The following IQANK1 variants were observed in gnomAD, a reference collection of about 807,000 sequenced individuals.
The protein encoded by IQANK1 is IQ motif and ankyrin repeat domain-containing protein 1.
In IQANK1, 30 loss-of-function variants were observed where a neutral mutation model predicts 22.6. The observed-to-expected ratio is 1.33, with a 90% CI of 0.99 to 1.80. IQANK1 has a LOEUF of 1.80. IQANK1 is among the 40% of genes most tolerant of loss of function. IQANK1 has a pLI of 0.00. For synonymous variants in IQANK1, 122 were observed against 99.6 expected (o/e 1.23, Z -1.34); for missense variants, 275 against 235.2 (o/e 1.17, Z -1.11).
intron 2 of IQANK1, among the ~76,000 whole-genome samples, chr8:143,738,128 G>A (rs1818793146): frequency 6.6e-6 from 1 of 152,154 alleles, no homozygotes; most frequent in South Asian, 2.1e-4. Flanking sequence ...GCCCCCTGGG[G>A]TGGGGGGCGG....
intron 3 of IQANK1, among the ~76,000 whole-genome samples, chr8:143,751,792 C>T (rs1221806119): frequency 6.6e-6 from 1 of 150,960 alleles, no homozygotes; most frequent in Non-Finnish European, 1.5e-5. Flanking sequence ...TTTCAACCTG[C>T]AGGACCTCCT....
At chr8:143,744,843 C>CA (rs1257414019) in intron 3 of IQANK1, 1 of 152,236 alleles carries the variant, frequency 6.6e-6, no homozygotes, top group Admixed American at 6.5e-5. Flanking sequence ...ATGTGTATCC[C>CA]AATAAACAGG....
At chr8:143,766,711 T>A (rs532183502) in intron 3 of IQANK1, among the ~76,000 whole-genome samples, 1 of 152,096 alleles carries the variant, frequency 6.6e-6, no homozygotes, top group Non-Finnish European at 1.5e-5. Flanking sequence ...GATTTTAACA[T>A]GTTTTCTTTT....
chr8:143,739,509 G>A (rs1480714292), intron 2 of IQANK1: 3 of 245,524 alleles, frequency 1.2e-5, no homozygotes, highest in African/African-American at 4.5e-5. Flanking sequence ...ACAAGGTGGG[G>A]GACAGTGTCA....
At chr8:143,736,030 G>A (rs2129738470) in intron 2 of IQANK1, 92 bp downstream of exon 2, 1 of 670,826 alleles carries the variant, frequency 1.5e-6, no homozygotes, top group Admixed American at 2.2e-5. Context: ...CCCCTCTGAG[G>A]AGAGCCCTTC....
At chr8:143,742,141 C>A in intron 3 of IQANK1, 1 of 349,472 alleles carries the variant, frequency 2.9e-6, no homozygotes, top group African/African-American at 2.1e-5. Flanking sequence ...CCTCACAGAG[C>A]CACCCCCAAG....
chr8:143,749,323 A>T (rs1209643679), intron 3 of IQANK1, among the ~76,000 whole-genome samples: 1 of 53,934 alleles, frequency 1.9e-5, no homozygotes, highest in Admixed American at 3.6e-4. Flanking sequence ...AATATATATA[A>T]AAATATATAA....
chr8:143,755,412 GGAGTACAAT>G (rs1443789354), intron 3 of IQANK1, among the ~76,000 whole-genome samples: 2 of 152,122 alleles, frequency 1.3e-5, no homozygotes, highest in Non-Finnish European at 2.9e-5. Context: ...TCCCCAGGCT[GGAGTACAAT>G]GACGTGATCT....
intron 7 of IQANK1, among the ~76,000 whole-genome samples, chr8:143,787,869 G>A (rs946246872): frequency 4.0e-5 from 6 of 151,772 alleles, no homozygotes; most frequent in South Asian, 4.2e-4. Context: ...TCCATGGCCC[G>A]TGCCTGTCCA....
At chr8:143,778,325 T>G (rs1461551854) in intron 7 of IQANK1, among the ~76,000 whole-genome samples, 1 of 152,090 alleles carries the variant, frequency 6.6e-6, no homozygotes, top group Non-Finnish European at 1.5e-5. Context: ...AAAACAAATA[T>G]GCCAAGATAA....
chr8:143,780,188 C>T (rs1819770626), intron 7 of IQANK1, among the ~76,000 whole-genome samples: 1 of 151,948 alleles, frequency 6.6e-6, no homozygotes. Context: ...TTTCAAGTTA[C>T]AAAACTTTCC....
chr8:143,751,662 G>GTATATATATATA lies in IQANK1; in HGVS notation c.175+11715_175+11716insATATATATATAT, dbSNP rs1187068578. 8.5e-4 allele frequency among the ~76,000 whole-genome samples: 46 copies of GTATATATATATA among 54,290 alleles called. 1 individual carries two copies. Among genetic ancestry groups the GTATATATATATA allele is most frequent in the Admixed American group, 5.1e-3 (19 of 3,700 alleles). 35.6% of individuals were successfully genotyped at this position (54,290 alleles called of 152,430 possible). A position where few individuals can be genotyped will look rare whatever the true frequency, so the allele number is the denominator to read the frequency against. On this transcript the variant is annotated intron_variant, in intron 3 of 13. Transcript: ENST00000527139. ...TGTGTGTGTGTGTGTGTGTGTGTGT[G>GTATATATATATA]TGTATATATATATATAAAATCCTAT...
intron 3 of IQANK1, among the ~76,000 whole-genome samples, chr8:143,755,959 G>T (rs1450751454): frequency 6.6e-6 from 1 of 152,196 alleles, no homozygotes; most frequent in Non-Finnish European, 1.5e-5. Context: ...CTCTGCTGCT[G>T]CTCATTGATA....
At chr8:143,746,201 A>G (rs1388121268) in intron 3 of IQANK1, 1 of 152,238 alleles carries the variant, frequency 6.6e-6, no homozygotes, top group Admixed American at 6.5e-5. Flanking sequence ...ACTATGCTGA[A>G]TAGAGTGGCA....
chr8:143,735,909 A>T lies in IQANK1; in HGVS notation c.56A>T (p.His19Leu). 1 of 702,338 alleles carries T rather than the reference A, an allele frequency of 1.4e-6. No individual in the cohort carries two copies. Among genetic ancestry groups the T allele is most frequent in the Non-Finnish European group, 2.6e-6 (1 of 384,878 alleles). 43.5% of individuals were successfully genotyped at this position (702,338 alleles called of 1,614,324 possible). A position where few individuals can be genotyped will look rare whatever the true frequency, so the allele number is the denominator to read the frequency against. Residue 19 changes from histidine (H) to leucine (L), a missense_variant, in exon 2 of 14, where the codon CAC (histidine) becomes CTC (leucine). Transcript: ENST00000527139. The surrounding 1 kb of genome is among the most constrained non-coding windows in gnomAD (Gnocchi z 5.2). ...KAAAGKWQTLHPGPKTRAAAG... is the reference protein window; with the variant it reads ...KAAAGKWQTLLPGPKTRAAAG... Reference sequence around the variant, plus strand: ...GCAGCTGGGAAGTGGCAGACGCTCCACCCTGGGCCCAAGACAAGAGCTGCT... The same window carrying T: ...GCAGCTGGGAAGTGGCAGACGCTCCTCCCTGGGCCCAAGACAAGAGCTGCT...
chr8:143,748,840 AATAT>A (rs531131696), intron 3 of IQANK1, among the ~76,000 whole-genome samples: 2,517 of 115,112 alleles, frequency 0.022, 129 homozygotes, highest in African/African-American at 0.09. Context: ...TTCATATATA[AATAT>A]ATAAATATAT....
At chr8:143,785,851 C>T (rs981668367) in intron 7 of IQANK1, among the ~76,000 whole-genome samples, 2 of 152,110 alleles carry the variant, frequency 1.3e-5, no homozygotes, top group Admixed American at 6.5e-5. Context: ...CTCAGCCTCC[C>T]AAGTAGCTGG....
chr8:143,737,678 T>C (rs1436453810), intron 2 of IQANK1, among the ~76,000 whole-genome samples: 1 of 152,136 alleles, frequency 6.6e-6, no homozygotes, highest in African/African-American at 2.4e-5. Context: ...TTCGAAGCCC[T>C]CACTCCGGAG....
chr8:143,740,094 G>A (rs868914388), intron 3 of IQANK1, 146 bp downstream of exon 3: 6 of 525,044 alleles, frequency 1.1e-5, no homozygotes, highest in Non-Finnish European at 2.0e-5. Flanking sequence ...GGGAGTGCGC[G>A]TGTACGCGCA....
Sources: allele counts gnomAD v4.1 joint callset (sites outside exome capture counted in the v4.1 genomes callset), GRCh38; gene constraint gnomAD v4.1.1; non-coding constraint Gnocchi (gnomAD v3.1); transcripts MANE v1.5; gene names NCBI Gene and HGNC (gene_info 2026-07-23, HGNC 2026-07-21).